Variants in ATP10A observed in about 807,000 individuals in gnomAD.
The protein encoded by ATP10A is ATPase phospholipid transporting 10A (putative).
A neutral mutation model predicts 147.8 loss-of-function variants in ATP10A; 111 were observed. The ratio of observed to expected loss-of-function variants is 0.75; its 90% confidence interval spans 0.64 to 0.88. The LOEUF is 0.88. Among genes scored for constraint, ATP10A ranks in the 40% least tolerant of loss-of-function variants. The pLI is 0.00. For synonymous variants in ATP10A, 875 were observed against 841.6 expected (o/e 1.04, Z -0.69); for missense variants, 1,927 against 1,959.0 (o/e 0.98, Z 0.31).
intron 4 of ATP10A, among the ~76,000 whole-genome samples, 178 bp downstream of exon 4, chr15:25,726,982 G>A (rs1336694828): frequency 6.6e-6 from 1 of 150,502 alleles, no homozygotes; most frequent in Non-Finnish European, 1.5e-5. Flanking sequence ...GCGTGAACCC[G>A]GAAGGCGGAG....
At chr15:25,789,591 T>TGTGTGTGTGTGTGTGTGA (rs1555470190) in intron 1 of ATP10A, among the ~76,000 whole-genome samples, 120 of 151,372 alleles carry the variant, frequency 7.9e-4, no homozygotes, top group Non-Finnish European at 1.6e-3. Context: ...TGTGTGTGTG[T>TGTGTGTGTGTGTGTGTGA]GACAGAGACA....
At chr15:25,761,807 G>A (rs1888772849) in intron 2 of ATP10A, among the ~76,000 whole-genome samples, 2 of 152,300 alleles carry the variant, frequency 1.3e-5, no homozygotes, top group Middle Eastern at 6.8e-3. Flanking sequence ...TAGTCTCATA[G>A]GCAGAAGGGA....
rs1893196592 is a variant in ATP10A at position 25,849,740 on chromosome 15, C to T, written c.449+12908G>A. On this transcript the variant is annotated intron_variant, in intron 1 of 20. Transcript: ENST00000555815. ...GGTCTCTGTCAGCATGGCCTCCTGG[C>T]CCCCAGACATGCTCCCCATGGATGT... Among the ~76,000 whole-genome samples, 3 of 152,264 alleles carry T rather than the reference C, an allele frequency of 2.0e-5. No homozygotes were observed. The South Asian group carries it at 6.2e-4, about 32-fold the overall frequency.
chr15:25,679,922 C>A lies in ATP10A; in HGVS notation c.3919G>T (p.Ala1307Ser). ...GGGGACTTCCTGGTCAACTGACGTG[C>A]CAGCTGAAGTTGTGTGGGGAAAACC... ...GRVFPTQLQL[A>S]RQLTRKSPRR... The change falls in exon 21 of 21, where the codon GCA (alanine) becomes TCA (serine). Residue 1307 changes from alanine to serine, a missense_variant. By Grantham distance (99) the Ala-to-Ser change is moderately conservative (BLOSUM62 1). Transcript: ENST00000555815. The A allele has an allele frequency of 6.2e-7, 1 of 1,608,490 alleles. No individual in the cohort carries two copies.
At chr15:25,859,269 C>T (rs1489176011) in intron 1 of ATP10A, among the ~76,000 whole-genome samples, 4 of 152,318 alleles carry the variant, frequency 2.6e-5, no homozygotes, top group Admixed American at 2.6e-4. Flanking sequence ...CCACCCTGTT[C>T]CAGCTGGACA....
At chr15:25,834,397 A>T (rs763944230) in intron 1 of ATP10A, among the ~76,000 whole-genome samples, 41 of 152,240 alleles carry the variant, frequency 2.7e-4, no homozygotes, top group Non-Finnish European at 7.3e-5. Context: ...CACATCAAAC[A>T]TCATGTACTT....
chr15:25,771,777 T>G (rs989673993), intron 2 of ATP10A, among the ~76,000 whole-genome samples: 4 of 148,610 alleles, frequency 2.7e-5, no homozygotes, highest in African/African-American at 7.5e-5. Context: ...TGAGACAGAG[T>G]CTTACTCTGT....
At chr15:25,849,493 C>T (rs1893184799) in intron 1 of ATP10A, among the ~76,000 whole-genome samples, 1 of 152,234 alleles carries the variant, frequency 6.6e-6, no homozygotes, top group African/African-American at 2.4e-5. Context: ...ACCCTCCCTC[C>T]TTCTACGCCT....
intron 3 of ATP10A, among the ~76,000 whole-genome samples, chr15:25,730,391 G>T (rs1182621789): frequency 6.6e-6 from 1 of 151,676 alleles, no homozygotes; most frequent in African/African-American, 2.4e-5. Context: ...CTCCCTCCTA[G>T]AGAGGCAGCA....
At chr15:25,703,507 C>T (rs1370562106) in intron 12 of ATP10A, among the ~76,000 whole-genome samples, 1 of 152,216 alleles carries the variant, frequency 6.6e-6, no homozygotes, top group Non-Finnish European at 1.5e-5. Context: ...GACTTTTAGC[C>T]TTCAAAACTC....
At chr15:25,734,277 G>A (rs1887135098) in intron 3 of ATP10A, among the ~76,000 whole-genome samples, 1 of 152,232 alleles carries the variant, frequency 6.6e-6, no homozygotes, top group African/African-American at 2.4e-5. Flanking sequence ...CCACTGCCAG[G>A]CACCGCCCTG....
At chr15:25,689,674 C>G (rs1046860220) in intron 15 of ATP10A, among the ~76,000 whole-genome samples, 9 of 152,210 alleles carry the variant, frequency 5.9e-5, no homozygotes, top group Admixed American at 2.0e-4. Flanking sequence ...GGAGGATGCA[C>G]AGCTTTACAT....
chr15:25,863,952 C>G (rs1169155478), upstream of ATP10A, among the ~76,000 whole-genome samples: 1 of 152,028 alleles, frequency 6.6e-6, no homozygotes. Context: ...TTTTTCTGTT[C>G]TTTCTTCATG....
chr15:25,762,751 T>C (rs1888825214), intron 2 of ATP10A, among the ~76,000 whole-genome samples: 1 of 151,664 alleles, frequency 6.6e-6, no homozygotes, highest in African/African-American at 2.4e-5. Context: ...AGCTAAGTTG[T>C]AAATTTTCTG....
intron 9 of ATP10A, among the ~76,000 whole-genome samples, chr15:25,716,206 G>A (rs1417564717): frequency 6.6e-6 from 1 of 152,218 alleles, no homozygotes; most frequent in Non-Finnish European, 1.5e-5. Flanking sequence ...AGGCCAATGT[G>A]TCTCCAGCTG....
intron 2 of ATP10A, among the ~76,000 whole-genome samples, chr15:25,768,683 ATTTTTTTT>A (rs143608940): frequency 4.5e-5 from 4 of 89,644 alleles, no homozygotes; most frequent in African/African-American, 1.4e-4. Context: ...AGCTGGGCTA[ATTTTTTTT>A]TTTTTTTTTT....
chr15:25,679,502 C>T lies in ATP10A; in HGVS notation c.4339G>A (p.Val1447Ile), dbSNP rs1249332812. 6.2e-7 allele frequency: 1 copy of T among 1,613,812 alleles called. No individual in the cohort carries two copies. Among genetic ancestry groups the T allele is most frequent in the Admixed American group, 1.7e-5 (1 of 60,016 alleles). ...TGTAAGACACTCCCCAGCCTGCTGA[C>T]CAGCGACCAGGAGGAAATCCAGTTG... ...LLNWISSWSL[V>I]SRLGSVLQFS... The change falls in exon 21 of 21, where the codon GTC becomes ATC. Residue 1447 changes from valine (V) to isoleucine (I), a missense_variant. Val to Ile is a conservative substitution (Grantham distance 29). Coordinates refer to ENST00000555815, the MANE Select transcript of ATP10A (RefSeq NM_024490.4).
intron 2 of ATP10A, among the ~76,000 whole-genome samples, chr15:25,748,891 C>A (rs968012272): frequency 6.7e-6 from 1 of 149,462 alleles, no homozygotes; most frequent in East Asian, 2.0e-4. Context: ...CCCATAGCTA[C>A]TAAAAATACA....
chr15:25,683,331 C>T lies in ATP10A; in HGVS notation c.3447G>A (p.Val1149=), dbSNP rs759768681. The change falls in exon 17 of 21, where the codon GTG becomes GTA. Residue 1149 remains valine, a synonymous_variant. Transcript: ENST00000555815. The part of the protein sequence containing the change: ...GVLDRDVPAN[V]LLTNPQLYKS... ...TGTAGAGCTGCGGGTTGGTCAGCAG[C>T]ACATTGGCTGGCACATCCCTGTCCA... 1.2e-6 allele frequency: 2 copies of T among 1,614,114 alleles called. No homozygotes were observed. The highest frequency in any genetic ancestry group is 1.7e-6 in the Non-Finnish European group (2 of 1,180,038).
Sources: gnomAD v4.1 joint callset for allele counts (sites outside exome capture counted in the v4.1 genomes callset) on GRCh38, gnomAD v4.1.1 for gene constraint, MANE v1.5 for transcripts, NCBI Gene and HGNC (gene_info 2026-07-23, HGNC 2026-07-21) for gene names.